The following PPP1R16B variants were observed in gnomAD, a reference collection of about 807,000 sequenced individuals.
The protein encoded by PPP1R16B is protein phosphatase 1 regulatory inhibitor subunit 16B.
Under a neutral mutation model 61.7 loss-of-function variants are expected in PPP1R16B, and 14 were observed. That is an observed-to-expected ratio of 0.23 (90% CI 0.15 to 0.35). PPP1R16B has a LOEUF of 0.35. Among genes scored for constraint, PPP1R16B ranks in the 10% least tolerant of loss-of-function variants. The probability of loss-of-function intolerance (pLI) is 1.00; values close to 1 mark genes in which losing one functional copy is unlikely to be tolerated. For synonymous variants in PPP1R16B, 266 were observed against 305.3 expected, an observed-to-expected ratio of 0.87 and a Z score of 1.34; for missense variants, 547 against 752.5, an observed-to-expected ratio of 0.73 and a Z score of 3.19.
intron 2 of PPP1R16B, among the ~76,000 whole-genome samples, chr20:38,870,212 A>C (rs1388390074): frequency 6.6e-6 from 1 of 152,168 alleles, no homozygotes; most frequent in Non-Finnish European, 1.5e-5. Flanking sequence ...TGCTGGGATT[A>C]CAGGTGTGAG....
rs371757298 is a variant in PPP1R16B at position 38,876,059 on chromosome 20, G to A, written c.251-13536G>A. Among the ~76,000 whole-genome samples the A allele has an allele frequency of 5.2e-4, 73 of 141,140 alleles. 1 individual carries two copies. Among genetic ancestry groups the A allele is most frequent in the African/African-American group, 1.4e-3 (53 of 37,584 alleles). The allele number at this position is 141,140 out of a possible 152,430, so 92.6% of individuals were successfully genotyped here. ...TGGGATCTTAACTCACTGCAACTCC[G>A]CCTCCCGGGTTCGGGCGATTCTCCT... On this transcript the variant is annotated intron_variant, in intron 2 of 10. Transcript: ENST00000299824.
At chr20:38,829,109 C>T (rs1050621435) in intron 1 of PPP1R16B, among the ~76,000 whole-genome samples, 1 of 152,162 alleles carries the variant, frequency 6.6e-6, no homozygotes, top group Non-Finnish European at 1.5e-5. Flanking sequence ...TTGGGGTCAA[C>T]AAGAGGAATG....
chr20:38,888,553 T>TGG (rs2085264143), intron 2 of PPP1R16B, among the ~76,000 whole-genome samples: 1 of 152,046 alleles, frequency 6.6e-6, no homozygotes, highest in African/African-American at 2.4e-5. Flanking sequence ...GCCAGGGGCT[T>TGG]GGGTGGACTC....
At chr20:38,912,096 C>CTTTT (rs35770847) in intron 10 of PPP1R16B, among the ~76,000 whole-genome samples, 6 of 127,438 alleles carry the variant, frequency 4.7e-5, no homozygotes, top group African/African-American at 1.8e-4. Flanking sequence ...TATAGTCAGT[C>CTTTT]TTTTTTTTTT....
At chr20:38,817,006 T>A (rs922728289) in intron 1 of PPP1R16B, among the ~76,000 whole-genome samples, 1 of 152,204 alleles carries the variant, frequency 6.6e-6, no homozygotes, top group Non-Finnish European at 1.5e-5. Context: ...ATTTTCAGTC[T>A]CTTGGCCAGC....
intron 1 of PPP1R16B, among the ~76,000 whole-genome samples, chr20:38,808,010 G>T (rs2084673601): frequency 6.6e-6 from 1 of 152,188 alleles, no homozygotes; most frequent in Admixed American, 6.5e-5. Context: ...TTCTAATCTA[G>T]CTGTTAAGTC....
At chr20:38,886,897 T>A (rs1166773511) in intron 2 of PPP1R16B, among the ~76,000 whole-genome samples, 3 of 152,250 alleles carry the variant, frequency 2.0e-5, no homozygotes, top group Non-Finnish European at 4.4e-5. Flanking sequence ...TTGTGGGGCT[T>A]AGTGTCCAAT....
intron 2 of PPP1R16B, among the ~76,000 whole-genome samples, chr20:38,867,488 C>T (rs2085098201): frequency 6.6e-6 from 1 of 152,144 alleles, no homozygotes. Context: ...CTCTGTGCCT[C>T]AGTTTTTCTT....
At chr20:38,831,387 G>T (rs926484) in intron 1 of PPP1R16B, among the ~76,000 whole-genome samples, 1 of 152,240 alleles carries the variant, frequency 6.6e-6, no homozygotes, top group Non-Finnish European at 1.5e-5. Context: ...CTGTCTTGGG[G>T]CCGCCTAGCT....
At chr20:38,824,879 A>G (rs755361515) in intron 1 of PPP1R16B, among the ~76,000 whole-genome samples, 21 of 152,220 alleles carry the variant, frequency 1.4e-4, no homozygotes, top group Non-Finnish European at 2.5e-4. Flanking sequence ...CAAATACAAA[A>G]ATTAGCTGGG....
At chr20:38,868,453 C>T (rs923830618) in intron 2 of PPP1R16B, among the ~76,000 whole-genome samples, 1 of 151,450 alleles carries the variant, frequency 6.6e-6, no homozygotes. Flanking sequence ...GGCGTGATCT[C>T]AGCTCACTGC....
chr20:38,870,471 C>T (rs2085121212), intron 2 of PPP1R16B, among the ~76,000 whole-genome samples: 1 of 152,098 alleles, frequency 6.6e-6, no homozygotes, highest in Non-Finnish European at 1.5e-5. Context: ...GTGGGTCCCT[C>T]TGAGGAGGTG....
At chr20:38,863,535 C>A (rs2085069262) in intron 2 of PPP1R16B, among the ~76,000 whole-genome samples, 1 of 152,220 alleles carries the variant, frequency 6.6e-6, no homozygotes, top group Admixed American at 6.5e-5. Context: ...TGGGAAGGAC[C>A]AGGCCCTTTC....
chr20:38,822,931 T>C (rs1197487832), intron 1 of PPP1R16B, among the ~76,000 whole-genome samples: 6 of 152,166 alleles, frequency 3.9e-5, no homozygotes, highest in Admixed American at 1.3e-4. Context: ...ATAAATTCAA[T>C]TGTGTTAGCA....
intron 2 of PPP1R16B, among the ~76,000 whole-genome samples, chr20:38,863,247 G>A (rs552634728): frequency 1.5e-4 from 23 of 152,202 alleles, no homozygotes; most frequent in African/African-American, 5.5e-4. Flanking sequence ...AACTTCCTGG[G>A]GCTCAGATAA....
Position 38,896,167 on chromosome 20 carries a change from C to T in PPP1R16B, c.467+457C>T, listed in dbSNP as rs1474583645. On this transcript the variant is annotated intron_variant, in intron 4 of 10. Coordinates refer to ENST00000299824, the MANE Select transcript of PPP1R16B (RefSeq NM_015568.4). Reference sequence around the variant, plus strand: ...TCCTTCTTTCTTCCTCCCTCCCTTCCTTCCTTCTTTCTTCCCTCCCTTCCT... The same window carrying T: ...TCCTTCTTTCTTCCTCCCTCCCTTCTTTCCTTCTTTCTTCCCTCCCTTCCT... Among the ~76,000 whole-genome samples, 5 of 120,500 alleles carry T rather than the reference C, an allele frequency of 4.1e-5. 1 individual carries two copies. The highest frequency in any genetic ancestry group is 1.5e-4 in the African/African-American group (4 of 26,020). The allele number at this position is 120,500 out of a possible 152,430, so 79.1% of individuals were successfully genotyped here. A position where few individuals can be genotyped will look rare whatever the true frequency, so the allele number is the denominator to read the frequency against.
intron 2 of PPP1R16B, among the ~76,000 whole-genome samples, chr20:38,873,743 G>GGTT (rs1555805665): frequency 2.1e-5 from 3 of 140,740 alleles, no homozygotes; most frequent in South Asian, 2.2e-4. Flanking sequence ...TCTTTTTTTT[G>GGTT]TTTTTTTTTT....
intron 4 of PPP1R16B, among the ~76,000 whole-genome samples, chr20:38,898,062 A>G (rs2085363157): frequency 6.6e-6 from 1 of 152,194 alleles, no homozygotes; most frequent in Non-Finnish European, 1.5e-5. Context: ...TCACTGCCAA[A>G]TCCACTATCA....
chr20:38,874,683 G>C (rs947173101), intron 2 of PPP1R16B, among the ~76,000 whole-genome samples: 2 of 152,210 alleles, frequency 1.3e-5, no homozygotes, highest in African/African-American at 2.4e-5. Flanking sequence ...CTTGCTGGCA[G>C]AAGAGGAAAC....
Sources: gnomAD v4.1 joint callset for allele counts (sites outside exome capture counted in the v4.1 genomes callset) on GRCh38, gnomAD v4.1.1 for gene constraint, MANE v1.5 for transcripts, NCBI Gene and HGNC (gene_info 2026-07-23, HGNC 2026-07-21) for gene names.